Variants in ASCC3 observed in about 807,000 individuals in gnomAD.
ASCC3 encodes the protein ASC-1 complex subunit P200.
ASCC3 carries 158 observed loss-of-function variants against 256.3 expected under a neutral mutation model. The ratio of observed to expected loss-of-function variants is 0.62; its 90% CI spans 0.54 to 0.70. The LOEUF (loss-of-function observed/expected upper bound fraction) is 0.70. ASCC3 is among the 30% of genes least tolerant of loss of function. The probability of loss-of-function intolerance (pLI) is 0.00; values close to 1 mark genes in which losing one functional copy is unlikely to be tolerated. For missense variants in ASCC3, 2,259 were observed against 2,626.0 expected, an observed-to-expected ratio of 0.86 and a Z score of 3.05; for synonymous variants, 948 against 883.4, an observed-to-expected ratio of 1.07 and a Z score of -1.30.
At chr6:100,714,270 T>C (rs909876021) in intron 13 of ASCC3, among the ~76,000 whole-genome samples, 8 of 152,146 alleles carry the variant, frequency 5.3e-5, no homozygotes, top group Non-Finnish European at 8.8e-5. Context: ...GAACAAATAG[T>C]TTTTATTTAG....
intron 36 of ASCC3, among the ~76,000 whole-genome samples, chr6:100,561,039 C>G (rs1190615176): frequency 6.6e-6 from 1 of 151,442 alleles, no homozygotes; most frequent in East Asian, 1.9e-4. Flanking sequence ...AGCAACCAAC[C>G]ACTTGTTTTA....
intron 25 of ASCC3, among the ~76,000 whole-genome samples, chr6:100,635,521 A>G (rs1774800000): frequency 6.6e-6 from 1 of 152,128 alleles, no homozygotes; most frequent in South Asian, 2.1e-4. Context: ...AATATACAGC[A>G]TGGTGATTAC....
At chr6:100,856,549 A>C (rs889249414) in intron 3 of ASCC3, 1 of 497,192 alleles carries the variant, frequency 2.0e-6, no homozygotes, top group African/African-American at 2.1e-5. Context: ...TCAAAAAACG[A>C]ACACACCTGT....
intron 10 of ASCC3, among the ~76,000 whole-genome samples, chr6:100,761,273 T>C (rs1393237718): frequency 6.6e-6 from 1 of 152,136 alleles, no homozygotes. Flanking sequence ...AGAGGACTAC[T>C]TGAGCCAGGA....
At chr6:100,611,895 C>G (rs1773419061) in intron 30 of ASCC3, among the ~76,000 whole-genome samples, 2 of 151,510 alleles carry the variant, frequency 1.3e-5, no homozygotes. Flanking sequence ...AAATGAAACA[C>G]TGATAGAAGA....
Position 100,839,904 on chromosome 6 carries a change from A to C in ASCC3, c.801+8244T>G, listed in dbSNP as rs1772055532. ...AGCAACATACAACCAAGATCAATAA[A>C]ATATATGGCTTGGGTTTTCCTAATA... On this transcript the variant is annotated intron_variant, in intron 4 of 41. Coordinates refer to ENST00000369162, the MANE Select transcript of ASCC3 (RefSeq NM_006828.4). Among the ~76,000 whole-genome samples, 3 of 152,310 alleles carry C rather than the reference A, an allele frequency of 2.0e-5. No homozygotes were observed. The South Asian group carries it at 6.2e-4, about 32-fold the overall frequency.
intron 3 of ASCC3, among the ~76,000 whole-genome samples, chr6:100,850,595 A>T (rs1320503565): frequency 6.6e-6 from 1 of 152,170 alleles, no homozygotes; most frequent in Non-Finnish European, 1.5e-5. Flanking sequence ...TTTTTACTTT[A>T]TCTGCTATTC....
intron 10 of ASCC3, among the ~76,000 whole-genome samples, chr6:100,747,488 C>T (rs1780736077): frequency 6.6e-6 from 1 of 152,002 alleles, no homozygotes; most frequent in Non-Finnish European, 1.5e-5. Flanking sequence ...AGCCATATGT[C>T]TGTGAAAATT....
chr6:100,554,840 T>A (rs1769488633), intron 36 of ASCC3, among the ~76,000 whole-genome samples: 1 of 152,106 alleles, frequency 6.6e-6, no homozygotes, highest in Admixed American at 6.6e-5. Flanking sequence ...TATATTTTTA[T>A]CTTTATTTCT....
intron 16 of ASCC3, among the ~76,000 whole-genome samples, chr6:100,659,843 T>A (rs116452639): frequency 6.6e-6 from 1 of 151,480 alleles, no homozygotes; most frequent in African/African-American, 2.4e-5. Flanking sequence ...ATATTTAACT[T>A]TAGCATTTAA....
intron 36 of ASCC3, among the ~76,000 whole-genome samples, chr6:100,546,575 C>A (rs565722499): frequency 6.6e-6 from 1 of 151,952 alleles, no homozygotes; most frequent in Non-Finnish European, 1.5e-5. Flanking sequence ...ATACAGTGAA[C>A]GGATGCAATC....
intron 4 of ASCC3, among the ~76,000 whole-genome samples, chr6:100,829,447 T>C (rs538749554): frequency 6.6e-6 from 1 of 152,144 alleles, no homozygotes; most frequent in Admixed American, 6.5e-5. Context: ...AGCCCCTCAT[T>C]GCCCAGGGCT....
intron 30 of ASCC3, among the ~76,000 whole-genome samples, chr6:100,608,125 T>TACATATATATGTATATATATCTATATAC (rs1562161229): frequency 5.3e-5 from 6 of 113,676 alleles, no homozygotes; most frequent in Non-Finnish European, 7.2e-5. Flanking sequence ...TATCTATATA[T>TACATATATATGTATATATATCTATATAC]ACATATATAT....
At chr6:100,592,809 T>C (rs1187792703) in intron 34 of ASCC3, among the ~76,000 whole-genome samples, 3 of 152,118 alleles carry the variant, frequency 2.0e-5, no homozygotes, top group African/African-American at 7.2e-5. Flanking sequence ...TGTTTTCATG[T>C]TGCACTCTCC....
At chr6:100,842,271 AACT>A (rs1463505464) in intron 4 of ASCC3, among the ~76,000 whole-genome samples, 5 of 152,220 alleles carry the variant, frequency 3.3e-5, no homozygotes, top group Admixed American at 6.5e-5. Flanking sequence ...TTACAAAAAA[AACT>A]ACTACAACCT....
intron 8 of ASCC3, among the ~76,000 whole-genome samples, chr6:100,795,018 G>T (rs575036572): frequency 6.6e-6 from 1 of 151,980 alleles, no homozygotes; most frequent in African/African-American, 2.4e-5. Context: ...TTGACTCCTG[G>T]TGGCTCATGG....
At chr6:100,692,305 T>C (rs1777882072) in intron 13 of ASCC3, among the ~76,000 whole-genome samples, 1 of 152,068 alleles carries the variant, frequency 6.6e-6, no homozygotes, top group African/African-American at 2.4e-5. Flanking sequence ...TTCTATGTAC[T>C]TTATACTTCT....
chr6:100,553,505 G>A (rs1769409382), intron 36 of ASCC3, among the ~76,000 whole-genome samples: 1 of 152,050 alleles, frequency 6.6e-6, no homozygotes, highest in Non-Finnish European at 1.5e-5. Flanking sequence ...TTTTATGTGA[G>A]AGGCTGGTTT....
intron 13 of ASCC3, among the ~76,000 whole-genome samples, chr6:100,691,581 T>G (rs910916233): frequency 6.6e-6 from 1 of 152,030 alleles, no homozygotes; most frequent in African/African-American, 2.4e-5. Context: ...CACCTTAACA[T>G]TTTCTTGAAC....
Sources: allele counts gnomAD v4.1 joint callset (sites outside exome capture counted in the v4.1 genomes callset), GRCh38; gene constraint gnomAD v4.1.1; transcripts MANE v1.5; gene names NCBI Gene and HGNC (gene_info 2026-07-23, HGNC 2026-07-21).